The following TRPC5 variants were observed in gnomAD, a reference collection of about 807,000 sequenced individuals.
TRPC5 encodes transient receptor potential cation channel subfamily C member 5.
A neutral mutation model predicts 56.5 loss-of-function variants in TRPC5; 9 were observed. The ratio of observed to expected loss-of-function variants is 0.16; its 90% CI spans 0.10 to 0.28. TRPC5 has a LOEUF of 0.28. TRPC5 is among the 10% of genes least tolerant of loss of function. The pLI, the probability that TRPC5 is intolerant of heterozygous loss-of-function variation, is 1.00. For missense variants in TRPC5, 469 were observed against 748.9 expected (o/e 0.63, Z 4.36); for synonymous variants, 282 against 278.5 (o/e 1.01, Z -0.13).
chrX:111,847,080 AAAT>A (rs1922951594), intron 6 of TRPC5, 31 bp downstream of exon 6: 2 of 1,154,311 alleles, frequency 1.7e-6, no homozygotes, highest in Non-Finnish European at 1.1e-6. Flanking sequence ...GCAAAAAAAA[AAAT>A]AAATAAATAA....
At chrX:111,943,424 TAGG>T (rs1926834369) in intron 2 of TRPC5, among the ~76,000 whole-genome samples, 1 of 111,735 alleles carries the variant, frequency 8.9e-6, no homozygotes, top group African/African-American at 3.3e-5. Flanking sequence ...AAAAAACAGA[TAGG>T]AGGAGTAAAT....
intron 2 of TRPC5, among the ~76,000 whole-genome samples, chrX:111,922,221 T>C (rs1319517412): frequency 8.9e-6 from 1 of 111,749 alleles, no homozygotes; most frequent in African/African-American, 3.3e-5. Context: ...CTTCTGAAAT[T>C]AAATCCCCCA....
chrX:111,858,152 T>C (rs1923292937), intron 3 of TRPC5, among the ~76,000 whole-genome samples: 1 of 112,337 alleles, frequency 8.9e-6, no homozygotes, highest in Non-Finnish European at 1.9e-5. Flanking sequence ...GTATCTAATC[T>C]AAACACATTT....
intron 7 of TRPC5, among the ~76,000 whole-genome samples, chrX:111,790,195 G>T (rs1256834085): frequency 8.9e-6 from 1 of 111,966 alleles, no homozygotes; most frequent in African/African-American, 3.3e-5. Flanking sequence ...TAAAGAAAAT[G>T]TGGCACATAT....
intron 3 of TRPC5, among the ~76,000 whole-genome samples, chrX:111,900,410 G>T (rs767027131): frequency 1.8e-5 from 2 of 112,135 alleles, no homozygotes; most frequent in South Asian, 7.3e-4. Flanking sequence ...AAGGTATATA[G>T]CTACACTGAT....
chrX:112,058,888 C>T (rs139466456), intron 1 of TRPC5, among the ~76,000 whole-genome samples: 93 of 111,491 alleles, frequency 8.3e-4, no homozygotes, highest in African/African-American at 2.9e-3. Context: ...TTATGATCTT[C>T]ATCTTACAGA....
At chrX:111,940,376 G>T (rs1168671087) in intron 2 of TRPC5, among the ~76,000 whole-genome samples, 1 of 111,649 alleles carries the variant, frequency 9.0e-6, no homozygotes. Context: ...ATGAAGTCAC[G>T]CACCCTGACA....
rs775704747 is a variant in TRPC5 at position 111,811,234 on chromosome X, A to T, written c.1896+23687T>A. 7.1e-4 allele frequency among the ~76,000 whole-genome samples: 80 copies of T among 112,659 alleles called. 1 individual carries two copies. Among genetic ancestry groups the T allele is most frequent in the African/African-American group, 2.6e-3 (80 of 31,113 alleles). On this transcript the variant is annotated intron_variant, in intron 7 of 10. Transcript: ENST00000262839. ...GTATTCCAGAAATTACATCCTTTGC[A>T]ACTGTTGAAACTTATGATGAAATAT...
rs749170464 is a variant in TRPC5, at chrX:111,771,737, T to G, written c.*4576A>C. 2.6e-3 allele frequency among the ~76,000 whole-genome samples: 288 copies of G among 110,093 alleles called. No homozygotes were observed. The highest frequency in any genetic ancestry group is 8.8e-3 in the African/African-American group (264 of 29,873). ...CTTTATTTTGCCAAAAATGTGTATA[T>G]TTAAGTCTTCCAGGTAAGTTATTCT... is the stretch of plus-strand genomic sequence containing the variant. On this transcript the variant is annotated 3_prime_UTR_variant, in exon 11 of 11. Transcript: ENST00000262839.
At chrX:111,809,569 G>A (rs1921632481) in intron 7 of TRPC5, among the ~76,000 whole-genome samples, 2 of 112,178 alleles carry the variant, frequency 1.8e-5, no homozygotes, top group South Asian at 7.6e-4. Context: ...ATGCGTGACT[G>A]TCTTTTCTAC....
chrX:111,786,677 A>T (rs1482325520), intron 7 of TRPC5, among the ~76,000 whole-genome samples: 1 of 110,917 alleles, frequency 9.0e-6, no homozygotes, highest in Non-Finnish European at 1.9e-5. Context: ...CCCATCTCAC[A>T]TGCAGAGATG....
intron 1 of TRPC5, among the ~76,000 whole-genome samples, chrX:112,043,536 A>G (rs1929947940): frequency 9.0e-6 from 1 of 110,906 alleles, no homozygotes; most frequent in Non-Finnish European, 1.9e-5. Flanking sequence ...CTATCATTTT[A>G]AGACCTAGCG....
chrX:112,080,762 C>T (rs1930944504), intron 1 of TRPC5, among the ~76,000 whole-genome samples: 1 of 111,814 alleles, frequency 8.9e-6, no homozygotes, highest in East Asian at 2.8e-4. Flanking sequence ...TATAAATCAT[C>T]AATAAAACAT....
intron 3 of TRPC5, among the ~76,000 whole-genome samples, chrX:111,912,017 T>C (rs1925834110): frequency 8.9e-6 from 1 of 112,162 alleles, no homozygotes; most frequent in Admixed American, 9.5e-5. Context: ...TCGGTGTCTG[T>C]CTTCTGTATC....
chrX:111,838,939 A>G (rs1476422412), intron 6 of TRPC5, among the ~76,000 whole-genome samples: 1 of 112,168 alleles, frequency 8.9e-6, no homozygotes, highest in Non-Finnish European at 1.9e-5. Flanking sequence ...AAGAAGAACT[A>G]GAGGGTGAAC....
intron 2 of TRPC5, among the ~76,000 whole-genome samples, chrX:111,926,663 C>T (rs979142445): frequency 3.6e-5 from 4 of 112,282 alleles, no homozygotes; most frequent in Admixed American, 2.8e-4. Flanking sequence ...GAGCTCTTGA[C>T]ATGTATTATC....
Position 111,936,900 on chromosome X carries a change from G to T in TRPC5, c.378+15143C>A, listed in dbSNP as rs749737957. On this transcript the variant is annotated intron_variant, in intron 2 of 10. Coordinates refer to ENST00000262839, the MANE Select transcript of TRPC5 (RefSeq NM_012471.3). The stretch of plus-strand genomic sequence containing the variant: ...GGGTCAAATGGTATTTCTAGTTCTA[G>T]ATCCCTGAGGAATCACCACACTGAC... 5.6e-3 allele frequency among the ~76,000 whole-genome samples: 570 copies of T among 101,994 alleles called. 26 individuals carry two copies. Among genetic ancestry groups the T allele is most frequent in the Non-Finnish European group, 8.6e-3 (432 of 50,374 alleles). 88.6% of individuals were successfully genotyped at this position (101,994 alleles called of 115,157 possible).
At chrX:111,894,883 T>A (rs1372004675) in intron 3 of TRPC5, among the ~76,000 whole-genome samples, 2 of 111,463 alleles carry the variant, frequency 1.8e-5, no homozygotes, top group Non-Finnish European at 3.8e-5. Flanking sequence ...TCCCAGTCAA[T>A]AACCCCCTAC....
intron 1 of TRPC5, among the ~76,000 whole-genome samples, chrX:112,079,989 C>G (rs1176858940): frequency 9.0e-6 from 1 of 111,730 alleles, no homozygotes; most frequent in Non-Finnish European, 1.9e-5. Flanking sequence ...AATTATGATG[C>G]TGCCAGTTCT....
Sources: gnomAD v4.1 joint callset for allele counts (sites outside exome capture counted in the v4.1 genomes callset) on GRCh38, gnomAD v4.1.1 for gene constraint, MANE v1.5 for transcripts, NCBI Gene and HGNC (gene_info 2026-07-23, HGNC 2026-07-21) for gene names.